Variants in SBF2 observed in about 807,000 individuals in gnomAD.
SBF2 encodes myotubularin-related protein 13.
Under a neutral mutation model 225.2 loss-of-function variants are expected in SBF2, and 112 were observed. That is an observed-to-expected ratio of 0.50 (90% CI 0.43 to 0.58). The LOEUF is 0.58. SBF2 is among the 20% of genes least tolerant of loss of function. The probability of loss-of-function intolerance (pLI) is 0.00; values close to 1 mark genes in which losing one functional copy is unlikely to be tolerated. For synonymous variants in SBF2, 763 were observed against 773.3 expected (o/e 0.99, Z 0.22); for missense variants, 1,996 against 2,206.2 (o/e 0.90, Z 1.91).
intron 28 of SBF2, among the ~76,000 whole-genome samples, chr11:9,818,171 C>G (rs1314743696): frequency 6.6e-6 from 1 of 152,124 alleles, no homozygotes; most frequent in East Asian, 1.9e-4. Context: ...TCTCGAACTC[C>G]CGACCTCAGG....
At chr11:9,815,056 T>C (rs1488066071) in intron 29 of SBF2, among the ~76,000 whole-genome samples, 1 of 152,068 alleles carries the variant, frequency 6.6e-6, no homozygotes, top group East Asian at 1.9e-4. Flanking sequence ...ATATTCTACA[T>C]ACAAAATTGA....
intron 16 of SBF2, among the ~76,000 whole-genome samples, chr11:9,937,911 A>C (rs1365896297): frequency 6.6e-6 from 1 of 152,198 alleles, no homozygotes; most frequent in Non-Finnish European, 1.5e-5. Flanking sequence ...AAACCAAAAA[A>C]CTTGTAAGAA....
intron 2 of SBF2, among the ~76,000 whole-genome samples, chr11:10,063,211 C>G (rs571293973): frequency 6.6e-6 from 1 of 151,818 alleles, no homozygotes; most frequent in African/African-American, 2.4e-5. Flanking sequence ...GAAAAGATAA[C>G]TATTGGGTAC....
At chr11:9,803,607 T>C (rs1340926870) in intron 32 of SBF2, among the ~76,000 whole-genome samples, 1 of 152,182 alleles carries the variant, frequency 6.6e-6, no homozygotes, top group Non-Finnish European at 1.5e-5. Context: ...TCTTACTGAT[T>C]GTGAGTGGAT....
chr11:9,879,311 C>A lies in SBF2; in HGVS notation c.1929+16632G>T, dbSNP rs558189838. ...TTAAAATCTTTGCTTTTGTTATTCACGAGTCATGAGTTTTGCATTTTCCAT... is the reference window on the plus strand; with the variant it reads ...TTAAAATCTTTGCTTTTGTTATTCAAGAGTCATGAGTTTTGCATTTTCCAT... On this transcript the variant is annotated intron_variant, in intron 17 of 39. Transcript: ENST00000256190. Among the ~76,000 whole-genome samples, 10 of 152,280 alleles carry A rather than the reference C, an allele frequency of 6.6e-5. 1 individual carries two copies. The South Asian group carries it at 1.4e-3, about 22-fold the overall frequency.
rs115437337 is a variant in SBF2, at chr11:10,090,010, C to T, written c.142-47029G>A. Among the ~76,000 whole-genome samples, 336 of 152,112 alleles carry T rather than the reference C, an allele frequency of 2.2e-3. 2 individuals carry two copies. The highest frequency in any genetic ancestry group is 7.7e-3 in the African/African-American group (319 of 41,512). On this transcript the variant is annotated intron_variant, in intron 2 of 39. Coordinates refer to ENST00000256190, the MANE Select transcript of SBF2 (RefSeq NM_030962.4). ...GAAATTTATTTAGTCTTAAGATGGC[C>T]GGAAATTCTGATACATGCCACAACC...
chr11:9,959,731 G>A (rs1866434084), intron 16 of SBF2: 5 of 685,482 alleles, frequency 7.3e-6, no homozygotes, highest in Admixed American at 7.1e-5. Flanking sequence ...CTGAGGTAGG[G>A]ACATGTACAC....
At chr11:10,171,555 A>AT (rs529051929) in intron 2 of SBF2, among the ~76,000 whole-genome samples, 1 of 152,008 alleles carries the variant, frequency 6.6e-6, no homozygotes, top group East Asian at 1.9e-4. Context: ...TTTATTGAGG[A>AT]TTTTTTGCAT....
intron 1 of SBF2, among the ~76,000 whole-genome samples, chr11:10,240,509 G>T (rs1176571618): frequency 6.6e-6 from 1 of 152,122 alleles, no homozygotes; most frequent in Non-Finnish European, 1.5e-5. Flanking sequence ...AAATCAAATG[G>T]TGAGTGACAC....
Position 10,242,648 on chromosome 11 carries a change from G to A in SBF2, c.56-48661C>T, listed in dbSNP as rs568888728. Among the ~76,000 whole-genome samples, 376 of 151,924 alleles carry A rather than the reference G, an allele frequency of 2.5e-3. 2 individuals carry two copies. Among genetic ancestry groups the A allele is most frequent in the South Asian group, 5.4e-3 (26 of 4,810 alleles). On this transcript the variant is annotated intron_variant, in intron 1 of 39. Transcript: ENST00000256190. ...AAGCTGAAACAGAAGAGATGAAAAA[G>A]GGTATTTCATACAAATGGTAGCCAA...
chr11:9,829,740 G>A, intron 27 of SBF2: 1 of 461,166 alleles, frequency 2.2e-6, no homozygotes, highest in African/African-American at 2.0e-5. Context: ...CTTCCAGAAA[G>A]AGCCCAGGTC....
chr11:10,132,880 T>C (rs1409098670), intron 2 of SBF2, among the ~76,000 whole-genome samples: 1 of 148,722 alleles, frequency 6.7e-6, no homozygotes, highest in East Asian at 2.2e-4. Flanking sequence ...GTTCTCCACG[T>C]CCCCATCAGA....
intron 12 of SBF2, among the ~76,000 whole-genome samples, 197 bp from the exon 13 acceptor site, chr11:9,989,792 TCCTC>T (rs2134460025): frequency 6.6e-6 from 1 of 152,306 alleles, no homozygotes; most frequent in Non-Finnish European, 1.5e-5. Context: ...GTCTAGTGGT[TCCTC>T]CCTGAGGATT....
At chr11:9,902,109 C>T (rs1019169796) in intron 16 of SBF2, among the ~76,000 whole-genome samples, 5 of 152,184 alleles carry the variant, frequency 3.3e-5, no homozygotes, top group African/African-American at 7.2e-5. Flanking sequence ...TAAAGAATCT[C>T]CATTAATGCA....
At chr11:9,858,904 T>C (rs369692323) in intron 17 of SBF2, among the ~76,000 whole-genome samples, 2 of 152,178 alleles carry the variant, frequency 1.3e-5, no homozygotes, top group African/African-American at 4.8e-5. Context: ...CTTTTCCTAC[T>C]GCTCATTCCA....
At chr11:9,853,848 T>G (rs1240621957) in intron 19 of SBF2, 136 bp from the exon 20 acceptor site, 3 of 818,828 alleles carry the variant, frequency 3.7e-6, no homozygotes, top group Non-Finnish European at 6.3e-6. Flanking sequence ...CTTAACTCCA[T>G]GGCTCCTTGG....
intron 37 of SBF2, chr11:9,784,857 G>A (rs769874162): frequency 3.7e-6 from 2 of 537,886 alleles, no homozygotes; most frequent in Non-Finnish European, 6.7e-6. Context: ...GCTGACACAT[G>A]TTCCCTCAAA....
At chr11:9,977,708 T>C (rs1198510018) in intron 13 of SBF2, among the ~76,000 whole-genome samples, 1 of 152,206 alleles carries the variant, frequency 6.6e-6, no homozygotes, top group Non-Finnish European at 1.5e-5. Flanking sequence ...TGTTTGTCTC[T>C]AGTGGGTTTA....
chr11:10,012,937 A>G (rs948410991), intron 6 of SBF2, among the ~76,000 whole-genome samples: 6 of 152,194 alleles, frequency 3.9e-5, no homozygotes, highest in Non-Finnish European at 7.3e-5. Context: ...TCACTTGGTC[A>G]GTCCATAATT....
Sources: gnomAD v4.1 joint callset for allele counts (sites outside exome capture counted in the v4.1 genomes callset) on GRCh38, gnomAD v4.1.1 for gene constraint, MANE v1.5 for transcripts, NCBI Gene and HGNC (gene_info 2026-07-23, HGNC 2026-07-21) for gene names.